Variants in SPMIP2 observed in about 807,000 individuals in gnomAD.
SPMIP2 encodes protein SPMIP2.
At chr4:158,897,682 T>G in the SPMIP2 span, among the ~76,000 whole-genome samples, 1 of 152,186 alleles carries the variant, frequency 6.6e-6, no homozygotes, top group Non-Finnish European at 1.5e-5. Flanking sequence ...CACTTTTTGA[T>G]GGGGTTGTTT....
the SPMIP2 span, among the ~76,000 whole-genome samples, chr4:158,913,957 C>T: frequency 6.6e-6 from 1 of 151,964 alleles, no homozygotes; most frequent in Admixed American, 6.6e-5. Flanking sequence ...ATAAAATTAA[C>T]AACAGATGGG....
At chr4:159,007,287 C>G in the SPMIP2 span, 4 of 1,025,878 alleles carry the variant, frequency 3.9e-6, no homozygotes, top group East Asian at 1.1e-4. Flanking sequence ...TGTGGCTGAC[C>G]TGACTTCCCT....
chr4:158,935,768 C>T, the SPMIP2 span, among the ~76,000 whole-genome samples: 2 of 152,214 alleles, frequency 1.3e-5, no homozygotes, highest in Non-Finnish European at 2.9e-5. Context: ...CTTCAGCCTT[C>T]AGTGAGGAAA....
the SPMIP2 span, among the ~76,000 whole-genome samples, chr4:158,994,223 A>T: frequency 6.6e-6 from 1 of 152,206 alleles, no homozygotes. Flanking sequence ...AATGTGGGAG[A>T]TCCACAGAAG....
At chr4:158,923,805 A>G in the SPMIP2 span, among the ~76,000 whole-genome samples, 9 of 152,164 alleles carry the variant, frequency 5.9e-5, no homozygotes, top group African/African-American at 9.7e-5. Flanking sequence ...TAGAATAAAC[A>G]CATGCAGTTT....
At chr4:158,934,338 T>C in the SPMIP2 span, among the ~76,000 whole-genome samples, 1 of 152,124 alleles carries the variant, frequency 6.6e-6, no homozygotes, top group East Asian at 1.9e-4. Context: ...GGTGGATGCC[T>C]ATAACCCCAG....
chr4:159,010,517 T>C, the SPMIP2 span, among the ~76,000 whole-genome samples: 10 of 152,150 alleles, frequency 6.6e-5, no homozygotes, highest in Non-Finnish European at 1.5e-4. Flanking sequence ...CTTTAGGCTC[T>C]TTTGCAAATT....
chr4:158,994,678 T>C, the SPMIP2 span, among the ~76,000 whole-genome samples: 1 of 152,174 alleles, frequency 6.6e-6, no homozygotes, highest in Non-Finnish European at 1.5e-5. Context: ...CCCTTGAAGA[T>C]GTGCAGTGCA....
the SPMIP2 span, among the ~76,000 whole-genome samples, chr4:158,913,691 T>C: frequency 6.6e-6 from 1 of 152,090 alleles, no homozygotes; most frequent in Non-Finnish European, 1.5e-5. Flanking sequence ...AGACCATTTA[T>C]TCCACAGGGT....
chr4:159,057,721 ACAT>A, the SPMIP2 span, among the ~76,000 whole-genome samples: 2 of 152,350 alleles, frequency 1.3e-5, no homozygotes, highest in African/African-American at 2.4e-5. Context: ...AAAATGAAAA[ACAT>A]CAGCAACGTG....
At chr4:158,962,869 A>T in the SPMIP2 span, among the ~76,000 whole-genome samples, 2 of 152,092 alleles carry the variant, frequency 1.3e-5, no homozygotes, top group African/African-American at 4.8e-5. Context: ...TGTTAAAGGA[A>T]AAAAAAAGTT....
the SPMIP2 span, among the ~76,000 whole-genome samples, chr4:159,009,642 C>A: frequency 6.6e-6 from 1 of 152,074 alleles, no homozygotes; most frequent in African/African-American, 2.4e-5. Flanking sequence ...CCCCATGTTT[C>A]CGTTGCTATT....
At chr4:159,008,207 C>A in the SPMIP2 span, among the ~76,000 whole-genome samples, 1 of 152,094 alleles carries the variant, frequency 6.6e-6, no homozygotes, top group Admixed American at 6.6e-5. Flanking sequence ...TTTCATATAC[C>A]TGTTATTGTG....
At chr4:159,013,756 A>G in the SPMIP2 span, among the ~76,000 whole-genome samples, 1,527 of 152,298 alleles carry the variant, frequency 0.01, 12 homozygotes, top group Middle Eastern at 0.02. Flanking sequence ...ATACAATGCA[A>G]TATTATTTAG....
the SPMIP2 span, among the ~76,000 whole-genome samples, chr4:158,955,982 T>A: frequency 6.6e-6 from 1 of 152,250 alleles, no homozygotes; most frequent in African/African-American, 2.4e-5. Context: ...CTACTTTTCC[T>A]ATACTGCTTT....
At chr4:158,987,526 G>C in the SPMIP2 span, among the ~76,000 whole-genome samples, 32 of 151,856 alleles carry the variant, frequency 2.1e-4, no homozygotes, top group Non-Finnish European at 4.3e-4. Flanking sequence ...GTCAACTATC[G>C]CAAGGACAAA....
chr4:159,001,223 T>C, the SPMIP2 span, among the ~76,000 whole-genome samples: 1 of 152,208 alleles, frequency 6.6e-6, no homozygotes, highest in African/African-American at 2.4e-5. Context: ...CAGTTTTAAT[T>C]TGCAATCTCT....
At chr4:158,952,301 C>T in the SPMIP2 span, among the ~76,000 whole-genome samples, 1 of 152,122 alleles carries the variant, frequency 6.6e-6, no homozygotes, top group African/African-American at 2.4e-5. Flanking sequence ...CCCATAATTC[C>T]CACATGTTGT....
the SPMIP2 span, among the ~76,000 whole-genome samples, chr4:159,032,494 C>G: frequency 2.6e-5 from 4 of 152,142 alleles, no homozygotes; most frequent in Non-Finnish European, 5.9e-5. Context: ...AGGCAGAAAT[C>G]TATCAAAGGT....
Sources: gnomAD v4.1 joint callset for allele counts (sites outside exome capture counted in the v4.1 genomes callset) on GRCh38, gnomAD v4.1.1 for gene constraint, MANE v1.5 for transcripts, NCBI Gene and HGNC (gene_info 2026-07-23, HGNC 2026-07-21) for gene names.